Variants in CD302 observed in about 807,000 individuals in gnomAD.
CD302 encodes CD302 antigen.
A neutral mutation model predicts 26.5 loss-of-function variants in CD302; 23 were observed. That is an observed-to-expected ratio of 0.87 (90% CI 0.62 to 1.23). The LOEUF is 1.23. Among genes scored for constraint, CD302 ranks in the 50% most tolerant of loss-of-function variants. The probability of loss-of-function intolerance (pLI) is 0.00; values close to 1 mark genes in which losing one functional copy is unlikely to be tolerated. For synonymous variants in CD302, 90 were observed against 99.4 expected (o/e 0.91, Z 0.56); for missense variants, 290 against 275.5 (o/e 1.05, Z -0.37).
At chr2:159,780,390 C>T (rs138157162) in intron 3 of CD302, among the ~76,000 whole-genome samples, 3 of 152,090 alleles carry the variant, frequency 2.0e-5, no homozygotes, top group African/African-American at 4.8e-5. Flanking sequence ...ATCCAATTTT[C>T]GCAAAAATAT....
At chr2:159,779,718 C>T (rs534203647) in intron 4 of CD302, among the ~76,000 whole-genome samples, 7 of 152,036 alleles carry the variant, frequency 4.6e-5, no homozygotes, top group South Asian at 2.1e-4. Flanking sequence ...ATCCTCCCAC[C>T]TCAGGCTCCC....
intron 5 of CD302, among the ~76,000 whole-genome samples, chr2:159,775,576 T>TTATC (rs1450254032): frequency 3.3e-5 from 5 of 152,362 alleles, no homozygotes; most frequent in South Asian, 2.1e-4. Flanking sequence ...CTTCAGCTAT[T>TTATC]TATCTGTCTC....
chr2:159,774,064 T>C (rs185488217), intron 5 of CD302, among the ~76,000 whole-genome samples: 66 of 148,100 alleles, frequency 4.5e-4, no homozygotes, highest in African/African-American at 1.5e-3. Flanking sequence ...GTGGATGTTT[T>C]AGTTCATCCT....
intron 1 of CD302, among the ~76,000 whole-genome samples, chr2:159,797,536 A>T (rs191696223): frequency 1.3e-5 from 2 of 152,040 alleles, no homozygotes; most frequent in East Asian, 3.9e-4. Flanking sequence ...GAACTTTAAA[A>T]CTCCTTGATT....
intron 1 of CD302, among the ~76,000 whole-genome samples, chr2:159,792,982 A>G (rs1411107615): frequency 2.6e-5 from 4 of 152,252 alleles, no homozygotes; most frequent in Non-Finnish European, 5.9e-5. Flanking sequence ...GTGCTCAAAT[A>G]GAGGCTGGAT....
At chr2:159,796,292 A>G (rs906788502) in intron 1 of CD302, among the ~76,000 whole-genome samples, 1 of 152,216 alleles carries the variant, frequency 6.6e-6, no homozygotes, top group Non-Finnish European at 1.5e-5. Flanking sequence ...TATGAAAAAC[A>G]CACTTAGTTT....
intron 1 of CD302, among the ~76,000 whole-genome samples, chr2:159,786,928 A>G (rs1708682405): frequency 6.6e-6 from 1 of 152,112 alleles, no homozygotes; most frequent in Non-Finnish European, 1.5e-5. Context: ...AACACCATCG[A>G]TTAGTTTTGC....
intron 2 of CD302, among the ~76,000 whole-genome samples, chr2:159,781,261 T>C (rs1436352628): frequency 6.6e-6 from 1 of 152,076 alleles, no homozygotes; most frequent in Non-Finnish European, 1.5e-5. Context: ...GGAAAATAGT[T>C]GTAGGGGCTG....
intron 2 of CD302, among the ~76,000 whole-genome samples, chr2:159,782,718 C>T (rs889529826): frequency 2.0e-5 from 3 of 149,610 alleles, no homozygotes; most frequent in African/African-American, 7.4e-5. Flanking sequence ...CAGCAAGACC[C>T]TGTCTCAAAA....
At chr2:159,789,074 A>G (rs937824709) in intron 1 of CD302, among the ~76,000 whole-genome samples, 4 of 151,834 alleles carry the variant, frequency 2.6e-5, no homozygotes, top group Non-Finnish European at 5.9e-5. Context: ...CTGGGGTACA[A>G]TGGCATGGTC....
intron 3 of CD302, 149 bp from the exon 4 acceptor site, chr2:159,780,327 C>T: frequency 1.1e-6 from 1 of 907,042 alleles, no homozygotes; most frequent in Non-Finnish European, 1.6e-6. Flanking sequence ...GGAATATATC[C>T]TGTGTACAGC....
In CD302 at chr2:159,771,771, C is replaced by G; in HGVS notation, c.*80G>C. The stretch of plus-strand genomic sequence containing the variant: ...CCATTAAAGCTCTAATATCCAATGT[C>G]AAGTTTTATATTAAAATCTTTCCCA... On this transcript the variant is annotated 3_prime_UTR_variant, in exon 6 of 6. Coordinates refer to ENST00000259053, the MANE Select transcript of CD302 (RefSeq NM_014880.5). The G allele has an allele frequency of 1.4e-6, 2 of 1,480,282 alleles. No homozygotes were observed. Among genetic ancestry groups the G allele is most frequent in the South Asian group, 2.5e-5 (2 of 81,064 alleles). 91.7% of individuals were successfully genotyped at this position (1,480,282 alleles called of 1,614,324 possible). A position where few individuals can be genotyped will look rare whatever the true frequency, so the allele number is the denominator to read the frequency against.
In CD302 at chr2:159,780,053, C is replaced by CT. The variant is rs1190921676; in HGVS notation, c.420dup (p.Gly141ArgfsTer4). 7 of 1,613,826 alleles carry CT rather than the reference C, an allele frequency of 4.3e-6. No homozygotes were observed. The highest frequency in any genetic ancestry group is 5.1e-6 in the Non-Finnish European group (6 of 1,179,914). ...TCCACAGAAGAAACTTCACAATTTCCTTTTTTCCATTCACCTGTCTTGATG... is the reference window on the plus strand; with the variant it reads ...TCCACAGAAGAAACTTCACAATTTCCTTTTTTTCCATTCACCTGTCTTGATG... On this transcript the variant is annotated frameshift_variant, in exon 4 of 6. Coordinates refer to ENST00000259053, the MANE Select transcript of CD302 (RefSeq NM_014880.5). LOFTEE classifies it high-confidence loss of function.
intron 1 of CD302, among the ~76,000 whole-genome samples, chr2:159,791,150 A>T (rs1708796878): frequency 6.6e-6 from 1 of 152,174 alleles, no homozygotes; most frequent in African/African-American, 2.4e-5. Flanking sequence ...CATCTGTAGG[A>T]CTTTTAAACT....
At chr2:159,779,286 A>C (rs1440126226) in intron 4 of CD302, among the ~76,000 whole-genome samples, 2 of 146,404 alleles carry the variant, frequency 1.4e-5, no homozygotes, top group African/African-American at 5.1e-5. Context: ...AAAACATTTT[A>C]ATTCCAAATA....
At chr2:159,794,808 A>C (rs1171849288) in intron 1 of CD302, among the ~76,000 whole-genome samples, 1 of 149,974 alleles carries the variant, frequency 6.7e-6, no homozygotes, top group African/African-American at 2.4e-5. Flanking sequence ...TCGGCCTCCC[A>C]AAGTGCTGGG....
rs79475669 is a variant in CD302, at chr2:159,793,009, T to C, written c.67+5123A>G. ...AGGCTGGATAACTCCTGTGAGGAGA[T>C]TGTTGACGTTCATGCACCTCATGAA... is the stretch of plus-strand genomic sequence containing the variant. On this transcript the variant is annotated intron_variant, in intron 1 of 5. Transcript: ENST00000259053. Among the ~76,000 whole-genome samples, 116 of 152,304 alleles carry C rather than the reference T, an allele frequency of 7.6e-4. No homozygotes were observed. The East Asian group carries it at 0.016, about 22-fold the overall frequency.
At chr2:159,782,245 C>T (rs1455018305) in intron 2 of CD302, among the ~76,000 whole-genome samples, 1 of 151,700 alleles carries the variant, frequency 6.6e-6, no homozygotes, top group Non-Finnish European at 1.5e-5. Context: ...AACCCCGTCT[C>T]TACTAAAAAC....
chr2:159,782,020 A>G (rs1708528070), intron 2 of CD302, among the ~76,000 whole-genome samples: 1 of 152,142 alleles, frequency 6.6e-6, no homozygotes. Flanking sequence ...TAATCCCAGC[A>G]CTTTGGGAGG....
Sources: gnomAD v4.1 joint callset for allele counts (sites outside exome capture counted in the v4.1 genomes callset) on GRCh38, gnomAD v4.1.1 for gene constraint, MANE v1.5 for transcripts, NCBI Gene and HGNC (gene_info 2026-07-23, HGNC 2026-07-21) for gene names.